Variants in PADI1 observed in about 807,000 individuals in gnomAD.
PADI1 encodes the protein peptidyl arginine deiminase 1, also known as protein-arginine deiminase type-1.
Under a neutral mutation model 74.8 loss-of-function variants are expected in PADI1, and 65 were observed. The ratio of observed to expected loss-of-function variants is 0.87; its 90% CI spans 0.71 to 1.07. PADI1 has a LOEUF of 1.07. Ranked by LOEUF, PADI1 falls within the 50% of genes least tolerant of loss-of-function variation. PADI1 has a pLI of 0.00. For synonymous variants in PADI1, 371 were observed against 336.2 expected, an observed-to-expected ratio of 1.10 and a Z score of -1.13; for missense variants, 943 against 854.0, an observed-to-expected ratio of 1.10 and a Z score of -1.30.
Position 17,237,423 on chromosome 1 carries a change from G to A in PADI1, c.1423G>A (p.Glu475Lys), listed in dbSNP as rs1245873277. 5 of 1,613,342 alleles carry A rather than the reference G, an allele frequency of 3.1e-6. No homozygotes were observed. Among genetic ancestry groups the A allele is most frequent in the East Asian group, 4.5e-5 (2 of 44,828 alleles). The change falls in exon 12 of 16, where the codon GAG becomes AAG. Residue 475 changes from glutamate to lysine, a missense_variant. Transcript: ENST00000375471. ...SDWLSVGHVD[E>K]FLTFVPTSDQ... Reference sequence around the variant, plus strand: ...CTGGCTCTCTGTGGGCCATGTGGACGAGTTTCTGACCTTTGTGCCTACCTC... The same window carrying A: ...CTGGCTCTCTGTGGGCCATGTGGACAAGTTTCTGACCTTTGTGCCTACCTC...
intron 1 of PADI1, among the ~76,000 whole-genome samples, chr1:17,207,916 G>A (rs186193378): frequency 7.9e-5 from 12 of 152,330 alleles, no homozygotes; most frequent in South Asian, 6.2e-4. Flanking sequence ...CTTCCTGCTG[G>A]CCAGGTCTGC....
At chr1:17,240,015 C>T (rs967372793) in intron 14 of PADI1, 40 of 520,800 alleles carry the variant, frequency 7.7e-5, no homozygotes, top group Non-Finnish European at 8.0e-5. Flanking sequence ...CCCGGCCCCA[C>T]GCTGGGGCAA....
chr1:17,219,973 T>A (rs183739144), intron 1 of PADI1, among the ~76,000 whole-genome samples: 2 of 150,400 alleles, frequency 1.3e-5, no homozygotes, highest in African/African-American at 4.9e-5. Context: ...TGAAAGGGAG[T>A]TGGGGAGGAT....
chr1:17,240,065 G>C (rs1304041328), intron 14 of PADI1: 2 of 415,674 alleles, frequency 4.8e-6, no homozygotes, highest in Non-Finnish European at 4.4e-6. Flanking sequence ...CCTCTCATCT[G>C]AGAAGTCTGG....
At chr1:17,222,582 C>G in intron 2 of PADI1, 112 bp downstream of exon 2, 1 of 808,570 alleles carries the variant, frequency 1.2e-6, no homozygotes, top group East Asian at 2.5e-5. Context: ...CCAAACCTCA[C>G]AAAGCTTATC....
chr1:17,206,830 C>G (rs1318987697), intron 1 of PADI1, among the ~76,000 whole-genome samples: 2 of 151,826 alleles, frequency 1.3e-5, no homozygotes, highest in African/African-American at 2.4e-5. Context: ...AACAGGAACC[C>G]ACCATCACAC....
intron 1 of PADI1, among the ~76,000 whole-genome samples, chr1:17,208,831 C>T (rs1470724309): frequency 6.6e-6 from 1 of 152,246 alleles, no homozygotes; most frequent in Non-Finnish European, 1.5e-5. Flanking sequence ...CCCTCCTTGA[C>T]TGCCCAGAGG....
At chr1:17,232,118 T>C (rs2072506132) in intron 10 of PADI1, among the ~76,000 whole-genome samples, 1 of 151,790 alleles carries the variant, frequency 6.6e-6, no homozygotes, top group South Asian at 2.1e-4. Context: ...GGCTAATTTT[T>C]TGTATTTTTA....
chr1:17,227,961 T>C (rs2072369378), intron 6 of PADI1, among the ~76,000 whole-genome samples: 2 of 152,224 alleles, frequency 1.3e-5, no homozygotes, highest in Non-Finnish European at 2.9e-5. Flanking sequence ...TCAAGGTTCA[T>C]CCATGGTGTA....
chr1:17,233,978 T>G (rs532596330), intron 11 of PADI1, among the ~76,000 whole-genome samples: 1 of 152,356 alleles, frequency 6.6e-6, no homozygotes, highest in African/African-American at 2.4e-5. Flanking sequence ...CAGACACTAC[T>G]GTGTGGGCTG....
At chr1:17,231,640 G>A (rs1410276172) in intron 10 of PADI1, among the ~76,000 whole-genome samples, 2 of 152,112 alleles carry the variant, frequency 1.3e-5, no homozygotes, top group Non-Finnish European at 2.9e-5. Context: ...GGAGCCAGGG[G>A]ATTTTTTCAC....
rs1476522549 is a variant in PADI1 at position 17,239,754 on chromosome 1, C to T, written c.1603C>T (p.His535Tyr). 1.2e-5 allele frequency: 20 copies of T among 1,613,866 alleles called. No homozygotes were observed. Among genetic ancestry groups the T allele is most frequent in the Middle Eastern group, 1.6e-4 (1 of 6,082 alleles). Residue 535 changes from histidine (H) to tyrosine (Y), a missense_variant, in exon 14 of 16, where the codon CAC (histidine) becomes TAC (tyrosine). Coordinates refer to ENST00000375471, the MANE Select transcript of PADI1 (RefSeq NM_013358.3). ...CATTAATGAGATGCTGGCAGACAGA[C>T]ACCTCCAGAGAGACAATCTTCATGC... ...RSINEMLADR[H>Y]LQRDNLHAQK...
In PADI1 at chr1:17,205,138, C is replaced by A; in HGVS notation, c.-80C>A. On this transcript the variant is annotated 5_prime_UTR_variant, in exon 1 of 16. Coordinates refer to ENST00000375471, the MANE Select transcript of PADI1 (RefSeq NM_013358.3). ...AGGCACCAGTCCATCAGAACTCACA[C>A]TTCTTCCTGGCAAAGAAGTGCCCAG... 2 of 1,157,090 alleles carry A rather than the reference C, an allele frequency of 1.7e-6. No homozygotes were observed. Among genetic ancestry groups the A allele is most frequent in the Admixed American group, 1.8e-5 (1 of 54,400 alleles). 71.7% of individuals were successfully genotyped at this position (1,157,090 alleles called of 1,614,324 possible).
chr1:17,218,644 AG>A (rs1303957208), intron 1 of PADI1, among the ~76,000 whole-genome samples: 1 of 152,200 alleles, frequency 6.6e-6, no homozygotes, highest in Non-Finnish European at 1.5e-5. Context: ...GATTAGAGGC[AG>A]GTTGCAGACG....
chr1:17,216,049 G>A (rs1478322230), intron 1 of PADI1, among the ~76,000 whole-genome samples: 1 of 152,072 alleles, frequency 6.6e-6, no homozygotes, highest in African/African-American at 2.4e-5. Context: ...GGACCGCAGG[G>A]ATTGGTGACA....
At chr1:17,235,297 A>AGGAAGGAAGGAAGGAG (rs2072614154) in intron 11 of PADI1, among the ~76,000 whole-genome samples, 1 of 149,716 alleles carries the variant, frequency 6.7e-6, no homozygotes, top group Non-Finnish European at 1.5e-5. Flanking sequence ...GAAGGAGGGA[A>AGGAAGGAAGGAAGGAG]GGAAGGAAGG....
chr1:17,221,015 C>T (rs1022079378), intron 1 of PADI1, among the ~76,000 whole-genome samples: 18 of 152,088 alleles, frequency 1.2e-4, no homozygotes, highest in Non-Finnish European at 1.2e-4. Flanking sequence ...AGATGAGTGC[C>T]CCAGGCTGGG....
chr1:17,210,113 T>C (rs2071795374), intron 1 of PADI1, among the ~76,000 whole-genome samples: 1 of 152,188 alleles, frequency 6.6e-6, no homozygotes, highest in African/African-American at 2.4e-5. Context: ...GTGTTGGGAT[T>C]ACAGGTGTGA....
At chr1:17,230,917 G>A (rs1283232016) in intron 10 of PADI1, among the ~76,000 whole-genome samples, 1 of 152,186 alleles carries the variant, frequency 6.6e-6, no homozygotes. Flanking sequence ...TGTTGGGAGG[G>A]GCAGGTCAGC....
Sources: gnomAD v4.1 joint callset for allele counts (sites outside exome capture counted in the v4.1 genomes callset) on GRCh38, gnomAD v4.1.1 for gene constraint, MANE v1.5 for transcripts, NCBI Gene and HGNC (gene_info 2026-07-23, HGNC 2026-07-21) for gene names.